Variants in MAF observed in about 807,000 individuals in gnomAD.
MAF encodes the protein MAF bZIP transcription factor.
MAF carries 10 observed loss-of-function variants against 22.0 expected under a neutral mutation model. The ratio of observed to expected loss-of-function variants is 0.45; its 90% CI spans 0.28 to 0.77. The LOEUF is 0.77. Among genes scored for constraint, MAF ranks in the 30% least tolerant of loss-of-function variants. MAF has a pLI of 0.12. For missense variants in MAF, 544 were observed against 548.4 expected, an observed-to-expected ratio of 0.99 and a Z score of 0.08; for synonymous variants, 337 against 255.8, an observed-to-expected ratio of 1.32 and a Z score of -3.03.
chr16:79,323,147 T>TTAAAAAAA, the MAF span, among the ~76,000 whole-genome samples: 2 of 19,846 alleles, frequency 1.0e-4, no homozygotes, highest in Admixed American at 1.0e-3. Flanking sequence ...AGACTCCATC[T>TTAAAAAAA]AAAAAAAAAA....
the MAF span, among the ~76,000 whole-genome samples, chr16:79,421,607 G>C: frequency 3.3e-5 from 5 of 151,418 alleles, no homozygotes; most frequent in Non-Finnish European, 7.4e-5. Flanking sequence ...CCGGAGAAAA[G>C]GGAAAGACAG....
At chr16:79,595,814 G>A in intron 1 of MAF, 2 of 1,057,332 alleles carry the variant, frequency 1.9e-6, no homozygotes, top group East Asian at 5.3e-5. Flanking sequence ...AATATTCACG[G>A]TGAAATATGA....
At chr16:79,340,349 T>A in the MAF span, among the ~76,000 whole-genome samples, 4 of 151,664 alleles carry the variant, frequency 2.6e-5, no homozygotes, top group East Asian at 8.0e-4. Flanking sequence ...TTGTTATTTT[T>A]AATTTAGTCA....
the MAF span, among the ~76,000 whole-genome samples, chr16:79,435,529 C>T: frequency 4.6e-5 from 7 of 152,168 alleles, no homozygotes; most frequent in South Asian, 1.2e-3. Context: ...TGCCTTACAA[C>T]CAGGCCATGA....
chr16:79,598,612 T>TGGG, intron 1 of MAF, 173 bp downstream of exon 1: 1 of 1,079,736 alleles, frequency 9.3e-7, no homozygotes, highest in Non-Finnish European at 1.3e-6. Context: ...GTGTGTGTGG[T>TGGG]GTGTGCGTGC....
chr16:79,220,186 G>A, the MAF span, among the ~76,000 whole-genome samples: 3 of 144,658 alleles, frequency 2.1e-5, no homozygotes, highest in African/African-American at 2.5e-5. Context: ...AGCCCAGGAG[G>A]TGGAAGCTGC....
At chr16:79,501,864 T>C in the MAF span, among the ~76,000 whole-genome samples, 4 of 152,168 alleles carry the variant, frequency 2.6e-5, no homozygotes, top group African/African-American at 7.2e-5. Context: ...AATGTTATAA[T>C]TGGATTGGTG....
At chr16:79,334,018 C>G in the MAF span, among the ~76,000 whole-genome samples, 1 of 152,238 alleles carries the variant, frequency 6.6e-6, no homozygotes, top group Non-Finnish European at 1.5e-5. Context: ...ATCTCACTGT[C>G]TGAATGACTT....
chr16:79,372,044 A>G, the MAF span, among the ~76,000 whole-genome samples: 1 of 149,322 alleles, frequency 6.7e-6, no homozygotes, highest in Non-Finnish European at 1.5e-5. Flanking sequence ...GTTTCAATAT[A>G]TATTGGTTAA....
At chr16:79,501,044 C>A in the MAF span, among the ~76,000 whole-genome samples, 1 of 152,196 alleles carries the variant, frequency 6.6e-6, no homozygotes, top group Non-Finnish European at 1.5e-5. Context: ...ATAAAGGGAT[C>A]CTGTAACAGG....
the MAF span, among the ~76,000 whole-genome samples, chr16:79,437,144 CTCTG>C: frequency 7.1e-5 from 6 of 84,982 alleles, no homozygotes; most frequent in Non-Finnish European, 1.4e-4. Flanking sequence ...CTCTCTCTCT[CTCTG>C]TGTGTGTGTG....
At chr16:79,306,532 A>T in the MAF span, among the ~76,000 whole-genome samples, 1 of 152,200 alleles carries the variant, frequency 6.6e-6, no homozygotes, top group Non-Finnish European at 1.5e-5. Flanking sequence ...ATGAGATGTA[A>T]TAAGACTTGC....
At chr16:79,484,783 A>G in the MAF span, among the ~76,000 whole-genome samples, 1 of 152,200 alleles carries the variant, frequency 6.6e-6, no homozygotes, top group Non-Finnish European at 1.5e-5. Flanking sequence ...AAAAGGGGTG[A>G]CATGTGTGCA....
chr16:79,203,447 G>C, the MAF span: 1 of 151,334 alleles, frequency 6.6e-6, no homozygotes, highest in Non-Finnish European at 1.5e-5. Flanking sequence ...GGAAGGCAGA[G>C]TTAAGAGTTA....
the MAF span, among the ~76,000 whole-genome samples, chr16:79,308,578 T>C: frequency 1.2e-4 from 19 of 152,336 alleles, 1 homozygote; most frequent in Admixed American, 1.0e-3. Context: ...TTATTCTGTG[T>C]AGGAATTTTC....
At chr16:79,277,571 A>AGTACTATTG in the MAF span, among the ~76,000 whole-genome samples, 1 of 152,214 alleles carries the variant, frequency 6.6e-6, no homozygotes, top group East Asian at 1.9e-4. Flanking sequence ...TAGTACTATT[A>AGTACTATTG]GTACTATTGT....
chr16:79,575,189 G>C, the MAF span, among the ~76,000 whole-genome samples: 1 of 151,926 alleles, frequency 6.6e-6, no homozygotes, highest in Admixed American at 6.6e-5. Context: ...TCTTCTAAAG[G>C]GGTGCACATG....
At chr16:79,217,332 G>A in the MAF span, among the ~76,000 whole-genome samples, 24 of 152,268 alleles carry the variant, frequency 1.6e-4, no homozygotes, top group East Asian at 4.6e-3. Flanking sequence ...TTTATGTGTG[G>A]CCTATAGACT....
the MAF span, among the ~76,000 whole-genome samples, chr16:79,296,271 T>TA: frequency 7.2e-5 from 11 of 152,314 alleles, no homozygotes; most frequent in Non-Finnish European, 1.3e-4. Flanking sequence ...TTAAAAGACC[T>TA]ATACAGGTTG....
Sources: allele counts gnomAD v4.1 joint callset (sites outside exome capture counted in the v4.1 genomes callset), GRCh38; gene constraint gnomAD v4.1.1; transcripts MANE v1.5; gene names NCBI Gene and HGNC (gene_info 2026-07-23, HGNC 2026-07-21).